The following RABGAP1L variants were observed in gnomAD, a reference collection of about 807,000 sequenced individuals.
RABGAP1L encodes rab GTPase-activating protein 1-like.
Under a neutral mutation model 137.7 loss-of-function variants are expected in RABGAP1L, and 63 were observed. The ratio of observed to expected loss-of-function variants is 0.46; its 90% CI spans 0.37 to 0.56. The LOEUF (loss-of-function observed/expected upper bound fraction) is 0.56. Ranked by LOEUF, RABGAP1L falls within the 20% of genes least tolerant of loss-of-function variation. RABGAP1L has a pLI of 0.00. For missense variants in RABGAP1L, 1,095 were observed against 1,244.0 expected, an observed-to-expected ratio of 0.88 and a Z score of 1.80; for synonymous variants, 431 against 433.7, an observed-to-expected ratio of 0.99 and a Z score of 0.08.
rs1342155473 is a variant in RABGAP1L, at chr1:174,241,654, G to T, written c.714G>T (p.Glu238Asp). ...ATGTTTTCTCCTGTGAAATTAAAGAGGCAGTAAGTATAATATAGTATAGCA... is the reference window on the plus strand; with the variant it reads ...ATGTTTTCTCCTGTGAAATTAAAGATGCAGTAAGTATAATATAGTATAGCA... ...QIHVFSCEIK[E>D]AVSRILYSFC... Residue 238 changes from glutamate (E) to aspartate (D), a missense_variant, in exon 5 of 26, where the codon GAG becomes GAT. Coordinates refer to ENST00000681986, the MANE Select transcript of RABGAP1L (RefSeq NM_001366446.1). 6 of 1,610,012 alleles carry T rather than the reference G, an allele frequency of 3.7e-6. No individual in the cohort carries two copies. The highest frequency in any genetic ancestry group is 5.1e-6 in the Non-Finnish European group (6 of 1,177,518).
At chr1:174,854,923 A>T (rs375793714) in intron 19 of RABGAP1L, among the ~76,000 whole-genome samples, 2 of 151,226 alleles carry the variant, frequency 1.3e-5, no homozygotes, top group African/African-American at 4.9e-5. Flanking sequence ...TTTTTAGTAG[A>T]GACAGGGTTT....
rs1668483932 is a variant in RABGAP1L, at chr1:174,577,762, A to G, written c.1711-59613A>G. On this transcript the variant is annotated intron_variant, in intron 13 of 25. Transcript: ENST00000681986. ...AAATGAAAATGCTGTGGCATCAAAT[A>G]TTAATATTTTGCTAGCAGCAGGTAG... is the stretch of plus-strand genomic sequence containing the variant. 2.0e-5 allele frequency among the ~76,000 whole-genome samples: 3 copies of G among 152,232 alleles called. No individual in the cohort carries two copies. In the South Asian group the frequency reaches 6.2e-4, roughly 31 times the overall value.
At chr1:174,682,652 T>G (rs1207833652) in intron 14 of RABGAP1L, among the ~76,000 whole-genome samples, 1 of 152,208 alleles carries the variant, frequency 6.6e-6, no homozygotes. Flanking sequence ...GTTGTCTTTT[T>G]GTTTGCATTA....
At chr1:174,649,202 T>G (rs1054050363) in intron 14 of RABGAP1L, among the ~76,000 whole-genome samples, 1 of 152,130 alleles carries the variant, frequency 6.6e-6, no homozygotes, top group African/African-American at 2.4e-5. Context: ...CTGTTTACAT[T>G]TAAGGTTAAT....
At chr1:174,608,834 T>G (rs979946475) in intron 13 of RABGAP1L, among the ~76,000 whole-genome samples, 1 of 152,138 alleles carries the variant, frequency 6.6e-6, no homozygotes, top group Non-Finnish European at 1.5e-5. Context: ...TGAAATAGTT[T>G]AGGCATAAAG....
chr1:174,863,935 G>C (rs959343132), intron 19 of RABGAP1L, among the ~76,000 whole-genome samples: 1 of 151,294 alleles, frequency 6.6e-6, no homozygotes, highest in African/African-American at 2.4e-5. Context: ...AGCCAAGATC[G>C]TGCCACTGCA....
At chr1:174,176,305 A>T (rs1665842810) in intron 1 of RABGAP1L, among the ~76,000 whole-genome samples, 1 of 152,154 alleles carries the variant, frequency 6.6e-6, no homozygotes, top group South Asian at 2.1e-4. Context: ...TCTGTCTTGC[A>T]GTTTGAATGG....
At chr1:174,705,990 G>T (rs761479972) in intron 17 of RABGAP1L, among the ~76,000 whole-genome samples, 4 of 152,162 alleles carry the variant, frequency 2.6e-5, no homozygotes, top group Admixed American at 6.5e-5. Flanking sequence ...AGGTAGAAAA[G>T]TATTGACTTT....
chr1:174,412,644 A>G (rs1383222387), intron 13 of RABGAP1L, among the ~76,000 whole-genome samples: 1 of 152,160 alleles, frequency 6.6e-6, no homozygotes, highest in East Asian at 1.9e-4. Flanking sequence ...GATCCCTTGT[A>G]AAACTGGTTT....
At chr1:174,316,430 T>C (rs1679380162) in intron 11 of RABGAP1L, among the ~76,000 whole-genome samples, 1 of 152,218 alleles carries the variant, frequency 6.6e-6, no homozygotes, top group Admixed American at 6.5e-5. Flanking sequence ...TAATCTAAGC[T>C]GTATCTACTT....
intron 11 of RABGAP1L, among the ~76,000 whole-genome samples, chr1:174,335,746 T>A (rs573209010): frequency 3.9e-5 from 6 of 152,324 alleles, no homozygotes; most frequent in East Asian, 3.9e-4. Context: ...AGAACAAATG[T>A]CTAATACATT....
At chr1:174,286,055 G>A (rs1242974144) in intron 10 of RABGAP1L, among the ~76,000 whole-genome samples, 1 of 152,052 alleles carries the variant, frequency 6.6e-6, no homozygotes, top group Non-Finnish European at 1.5e-5. Flanking sequence ...TGATGTCTTC[G>A]TCTGGCTTTG....
chr1:174,530,030 G>T (rs578226341), intron 13 of RABGAP1L, among the ~76,000 whole-genome samples: 1 of 152,036 alleles, frequency 6.6e-6, no homozygotes, highest in Non-Finnish European at 1.5e-5. Context: ...GCCATGTTAC[G>T]CAGGAGTGGG....
intron 19 of RABGAP1L, among the ~76,000 whole-genome samples, chr1:174,841,935 G>T (rs1008968487): frequency 1.3e-5 from 2 of 151,448 alleles, no homozygotes; most frequent in African/African-American, 4.9e-5. Flanking sequence ...CCACAATGTA[G>T]ATGCCAATAG....
chr1:174,953,689 CA>C (rs1374672800), intron 19 of RABGAP1L, among the ~76,000 whole-genome samples: 1 of 152,198 alleles, frequency 6.6e-6, no homozygotes, highest in Non-Finnish European at 1.5e-5. Context: ...GTTATGAAAT[CA>C]TTTTAGAGGG....
intron 1 of RABGAP1L, among the ~76,000 whole-genome samples, chr1:174,161,484 C>T (rs1235462592): frequency 1.3e-5 from 2 of 152,142 alleles, no homozygotes; most frequent in Non-Finnish European, 2.9e-5. Flanking sequence ...AGGTGATCTG[C>T]CCGCCTCAGC....
intron 18 of RABGAP1L, among the ~76,000 whole-genome samples, chr1:174,794,617 G>A (rs1688105433): frequency 6.6e-6 from 1 of 152,122 alleles, no homozygotes; most frequent in South Asian, 2.1e-4. Context: ...AATAAGCAAT[G>A]CCCTGTTTTG....
intron 13 of RABGAP1L, among the ~76,000 whole-genome samples, chr1:174,572,647 C>A (rs913062355): frequency 6.6e-6 from 1 of 152,290 alleles, no homozygotes; most frequent in Admixed American, 6.5e-5. Context: ...TCCCAAAGTG[C>A]TGAGACTGCA....
intron 19 of RABGAP1L, among the ~76,000 whole-genome samples, chr1:174,892,862 TG>T (rs1656447061): frequency 6.7e-6 from 1 of 150,312 alleles, no homozygotes; most frequent in South Asian, 2.1e-4. Flanking sequence ...CTCGAGTAGC[TG>T]GGATTACAGG....
Sources: gnomAD v4.1 joint callset for allele counts (sites outside exome capture counted in the v4.1 genomes callset) on GRCh38, gnomAD v4.1.1 for gene constraint, MANE v1.5 for transcripts, NCBI Gene and HGNC (gene_info 2026-07-23, HGNC 2026-07-21) for gene names.